SRP68: variants seen among roughly 807,000 people sequenced by gnomAD.
The protein encoded by SRP68 is signal recognition particle 68, also known as signal recognition particle subunit SRP68.
In SRP68, 15 loss-of-function variants were observed where a neutral mutation model predicts 82.2. That is an observed-to-expected ratio of 0.18 (90% CI 0.12 to 0.28). SRP68 has a LOEUF of 0.28. Ranked by LOEUF, SRP68 falls within the 10% of genes least tolerant of loss-of-function variation. SRP68 has a pLI of 1.00. For synonymous variants in SRP68, 261 were observed against 292.6 expected (o/e 0.89, Z 1.10); for missense variants, 595 against 780.5 (o/e 0.76, Z 2.83).
At chr17:76,046,556 C>T (rs12325726) in intron 10 of SRP68, among the ~76,000 whole-genome samples, 33,050 of 150,924 alleles carry the variant, frequency 0.22, 3,954 homozygotes, top group Admixed American at 0.36. Flanking sequence ...TTCAAGGCAG[C>T]AGTGAGCTAC....
intron 8 of SRP68, among the ~76,000 whole-genome samples, chr17:76,054,841 A>G (rs1374760394): frequency 6.6e-6 from 1 of 152,142 alleles, no homozygotes. Flanking sequence ...TAATTCCAGC[A>G]AGGGAAAAAA....
intron 12 of SRP68, 77 bp from the exon 13 acceptor site, chr17:76,044,035 C>T (rs1032844603): frequency 2.7e-5 from 40 of 1,500,468 alleles, no homozygotes; most frequent in Middle Eastern, 1.7e-4. Context: ...GCAGTTTAGG[C>T]GAAATTTCAC....
At chr17:76,061,022 T>C in intron 6 of SRP68, 88 bp downstream of exon 6, 1 of 819,724 alleles carries the variant, frequency 1.2e-6, no homozygotes, top group Non-Finnish European at 2.0e-6. Flanking sequence ...GAAAGTTACA[T>C]CAACTCTCTA....
In SRP68 at chr17:76,060,299, C is replaced by G. The variant is rs376722316; in HGVS notation, c.837+9G>C. The G allele has an allele frequency of 1.2e-6, 2 of 1,603,086 alleles. No individual in the cohort carries two copies. Among genetic ancestry groups the G allele is most frequent in the Non-Finnish European group, 1.7e-6 (2 of 1,172,198 alleles). On this transcript the variant is annotated intron_variant, in intron 7 of 15. Transcript: ENST00000307877. ...AAGACTTTTCACAAAAATGTACATA[C>G]TAGATTACCTCCAATTTTTCAGCCA...
In SRP68 at chr17:76,072,302, G is replaced by T; in HGVS notation, c.184+6C>A. ...TTGCGAGTTAGGCCCGATTACTCTA[G>T]GATACTCTCCAAACTCAGGCTATCC... On this transcript the variant is annotated splice_donor_region_variant and intron_variant, in intron 1 of 15. Coordinates refer to ENST00000307877, the MANE Select transcript of SRP68 (RefSeq NM_014230.4). This position sits in a 1 kb window ranked among gnomAD's most constrained non-coding sequence, Gnocchi z 4.5. 6.2e-7 allele frequency: 1 copy of T among 1,611,864 alleles called. No homozygotes were observed. The highest frequency in any genetic ancestry group is 8.5e-7 in the Non-Finnish European group (1 of 1,179,362).
At chr17:76,060,975 A>G in intron 6 of SRP68, 135 bp downstream of exon 6, 1 of 686,430 alleles carries the variant, frequency 1.5e-6, no homozygotes, top group Non-Finnish European at 2.6e-6. Context: ...TTTGCCATCA[A>G]CCAAAACTCA....
Position 76,039,608 on chromosome 17 carries a change from CA to C in SRP68, c.*97del. 1 of 1,197,148 alleles carries C rather than the reference CA, an allele frequency of 8.4e-7. No individual in the cohort carries two copies. Among genetic ancestry groups the C allele is most frequent in the Non-Finnish European group, 1.2e-6 (1 of 841,596 alleles). 74.2% of individuals were successfully genotyped at this position (1,197,148 alleles called of 1,614,324 possible). On this transcript the variant is annotated 3_prime_UTR_variant, in exon 16 of 16. Transcript: ENST00000307877. ...AAGATGTTAAACTCTTGCCCCGGGC[CA>C]ATGCAGACCTGGATTTAATATCATG... is the stretch of plus-strand genomic sequence containing the variant.
chr17:76,060,252 T>G (rs2066743233), intron 7 of SRP68, 56 bp downstream of exon 7: 1 of 1,155,830 alleles, frequency 8.7e-7, no homozygotes, highest in Non-Finnish European at 1.3e-6. Context: ...GATTATGAAT[T>G]ACTCCTTCTG....
intron 4 of SRP68, 119 bp downstream of exon 4, chr17:76,063,857 G>GA (rs2066787676): frequency 1.1e-6 from 1 of 873,166 alleles, no homozygotes; most frequent in Non-Finnish European, 1.7e-6. Flanking sequence ...AGTTCGGAAA[G>GA]TTTTTTTCCT....
chr17:76,046,088 G>A lies in SRP68; in HGVS notation c.1249C>T (p.Arg417Cys), dbSNP rs143880770. The A allele has an allele frequency of 7.3e-3, 11,784 of 1,613,952 alleles. 56 individuals carry two copies. The highest frequency in any genetic ancestry group is 9.0e-3 in the Non-Finnish European group (10,597 of 1,179,864). ...LQQQPEDDSK[R>C]SPRPQDLIRL... Reference sequence around the variant, plus strand: ...ATCAGGTCCTGGGGCCGGGGTGAGCGCTTGCTGTCATCCTCTGGCTGCTGC... The same window carrying A: ...ATCAGGTCCTGGGGCCGGGGTGAGCACTTGCTGTCATCCTCTGGCTGCTGC... The change falls in exon 11 of 16, where the codon CGC becomes TGC. Residue 417 changes from arginine to cysteine, a missense_variant. Arg to Cys is a radical substitution (Grantham distance 180). Around this residue, in one of 2 missense-constraint regions of SRP68, gnomAD observed 495 missense variants for 688.6 expected, o/e 0.72. Transcript: ENST00000307877.
At position 76,043,850 on chromosome 17, in the gene SRP68, G is replaced by A. The variant is rs760936406; in HGVS notation, c.1503C>T (p.Gly501=). 8.1e-6 allele frequency: 13 copies of A among 1,603,062 alleles called. No individual in the cohort carries two copies. The highest frequency in any genetic ancestry group is 6.8e-5 in the African/African-American group (5 of 74,040). The change falls in exon 13 of 16, where the codon GGC becomes GGT. Residue 501 remains glycine, a synonymous_variant. Transcript: ENST00000307877. ...TCACCTTTAGGCTGTTCTTGAAGGC[G>A]CCAGCATCAGAATTTACTTCATTTG... ...KYANEVNSDA[G]AFKNSLKDLP...
chr17:76,062,553 T>C lies in SRP68; in HGVS notation c.562-979A>G, dbSNP rs1166300849. ...ATAATATACATTATATATTATATAATATACATTATATATTATATAATATAC... is the reference window on the plus strand; with the variant it reads ...ATAATATACATTATATATTATATAACATACATTATATATTATATAATATAC... On this transcript the variant is annotated intron_variant, in intron 4 of 15. Transcript: ENST00000307877. Among the ~76,000 whole-genome samples the C allele has an allele frequency of 8.6e-4, 70 of 81,800 alleles. 1 individual carries two copies. Among genetic ancestry groups the C allele is most frequent in the Non-Finnish European group, 1.2e-3 (53 of 43,182 alleles). The allele number at this position is 81,800 out of a possible 152,430, so 53.7% of individuals were successfully genotyped here. A position where few individuals can be genotyped will look rare whatever the true frequency, so the allele number is the denominator to read the frequency against.
chr17:76,053,158 C>T (rs2144502138), intron 8 of SRP68, among the ~76,000 whole-genome samples: 1 of 150,686 alleles, frequency 6.6e-6, no homozygotes, highest in African/African-American at 2.4e-5. Flanking sequence ...CCAGCTATTC[C>T]AGGAGGCAAA....
rs1163195221 is a variant in SRP68 at position 76,053,542 on chromosome 17, C to G, written c.979-3016G>C. The G allele has an allele frequency of 3.0e-6, 3 of 985,322 alleles. No homozygotes were observed. In the African/African-American group the frequency reaches 5.2e-5, roughly 17 times the overall value. The allele number at this position is 985,322 out of a possible 1,614,324, so 61.0% of individuals were successfully genotyped here. A position where few individuals can be genotyped will look rare whatever the true frequency, so the allele number is the denominator to read the frequency against. ...CACGTATCACCTCTGCTCCCTTTAA[C>G]TAAGCCTCTGCATCAAGGTGCTGAA... On this transcript the variant is annotated intron_variant, in intron 8 of 15. Transcript: ENST00000307877.
intron 4 of SRP68, among the ~76,000 whole-genome samples, chr17:76,061,848 C>T (rs910599112): frequency 1.3e-5 from 2 of 151,772 alleles, no homozygotes; most frequent in African/African-American, 2.4e-5. Flanking sequence ...AAAAAAAGAA[C>T]ATGGATATGG....
At position 76,070,380 on chromosome 17, in the gene SRP68, G is replaced by A; in HGVS notation, c.249C>T (p.Tyr83=). 1.9e-6 allele frequency: 3 copies of A among 1,613,360 alleles called. No individual in the cohort carries two copies. Among genetic ancestry groups the A allele is most frequent in the Non-Finnish European group, 1.7e-6 (2 of 1,179,396 alleles). Residue 83 remains tyrosine (Y), a splice_region_variant and synonymous_variant, in exon 2 of 16, where the codon TAC becomes TAT. Transcript: ENST00000307877. The part of the protein sequence containing the change: ...HGLRHGDFQR[Y]RGYCSRRQRR... Reference sequence around the variant, plus strand: ...AACATCTTGTATGTGATACTAACCTGTACCTCTGAAAATCTCCATGCCGTA... The same window carrying A: ...AACATCTTGTATGTGATACTAACCTATACCTCTGAAAATCTCCATGCCGTA...
In SRP68 at chr17:76,039,277, T is replaced by C. The variant is rs1024153732; in HGVS notation, c.*429A>G. The stretch of plus-strand genomic sequence containing the variant: ...GGTGACGTTGCCAGTTTCATAGTCA[T>C]AGATAAACTTCTCAAGGGCTCCTGG... On this transcript the variant is annotated 3_prime_UTR_variant, in exon 16 of 16. Coordinates refer to ENST00000307877, the MANE Select transcript of SRP68 (RefSeq NM_014230.4). 4.4e-6 allele frequency: 2 copies of C among 458,364 alleles called. No homozygotes were observed. Among genetic ancestry groups the C allele is most frequent in the South Asian group, 1.6e-5 (1 of 64,508 alleles). The allele number at this position is 458,364 out of a possible 1,614,324, so 28.4% of individuals were successfully genotyped here.
intron 2 of SRP68, 112 bp downstream of exon 2, chr17:76,070,265 AC>A (rs2066840808): frequency 3.6e-6 from 3 of 828,008 alleles, no homozygotes; most frequent in East Asian, 5.4e-5. Flanking sequence ...AACAAAAAAA[AC>A]AATGCTCTAG....
At chr17:76,045,996 G>A in intron 11 of SRP68, 42 bp downstream of exon 11, 1 of 1,610,398 alleles carries the variant, frequency 6.2e-7, no homozygotes. Flanking sequence ...CACAGGCAAA[G>A]GAAAACCACA....
Sources: allele counts gnomAD v4.1 joint callset (sites outside exome capture counted in the v4.1 genomes callset), GRCh38; gene constraint gnomAD v4.1.1; regional missense constraint gnomAD v4.1.1; non-coding constraint Gnocchi (gnomAD v3.1); transcripts MANE v1.5; gene names NCBI Gene and HGNC (gene_info 2026-07-23, HGNC 2026-07-21).